PLXDC2: variants seen among roughly 807,000 people sequenced by gnomAD.
PLXDC2 encodes plexin domain containing 2, also known as plexin domain-containing protein 2.
A neutral mutation model predicts 68.9 loss-of-function variants in PLXDC2; 40 were observed. The ratio of observed to expected loss-of-function variants is 0.58; its 90% CI spans 0.45 to 0.76. The LOEUF (loss-of-function observed/expected upper bound fraction) is 0.76. Ranked by LOEUF, PLXDC2 falls within the 30% of genes least tolerant of loss-of-function variation. The pLI is 0.00. For synonymous variants in PLXDC2, 243 were observed against 234.2 expected (o/e 1.04, Z -0.34); for missense variants, 644 against 661.9 (o/e 0.97, Z 0.30).
At chr10:20,264,079 G>A (rs964070665) in intron 13 of PLXDC2, among the ~76,000 whole-genome samples, 6 of 151,790 alleles carry the variant, frequency 4.0e-5, no homozygotes, top group Non-Finnish European at 7.4e-5. Context: ...GTCCATCAAT[G>A]ACACACTGGA....
chr10:19,819,180 A>G (rs1589482356), intron 1 of PLXDC2, among the ~76,000 whole-genome samples: 1 of 152,200 alleles, frequency 6.6e-6, no homozygotes, highest in East Asian at 1.9e-4. Flanking sequence ...AATACTTAAA[A>G]TGTTCAACAT....
chr10:20,072,761 T>C (rs1312959236), intron 4 of PLXDC2, among the ~76,000 whole-genome samples: 1 of 152,192 alleles, frequency 6.6e-6, no homozygotes, highest in Non-Finnish European at 1.5e-5. Flanking sequence ...ATGGAGCCAG[T>C]GCAAAACACA....
chr10:20,173,875 G>A (rs150208875), intron 7 of PLXDC2, among the ~76,000 whole-genome samples: 16 of 152,234 alleles, frequency 1.1e-4, no homozygotes, highest in East Asian at 9.7e-4. Context: ...GGAAGTTGTC[G>A]TTAATTGGCA....
At chr10:19,973,205 C>A (rs1834383681) in intron 1 of PLXDC2, among the ~76,000 whole-genome samples, 1 of 150,024 alleles carries the variant, frequency 6.7e-6, no homozygotes, top group Non-Finnish European at 1.5e-5. Flanking sequence ...TTTTGATTAA[C>A]TTTCTTCAAG....
At chr10:20,164,844 C>T (rs1346075600) in intron 7 of PLXDC2, among the ~76,000 whole-genome samples, 1 of 152,076 alleles carries the variant, frequency 6.6e-6, no homozygotes, top group Non-Finnish European at 1.5e-5. Context: ...GATTTGGGGT[C>T]TTACTCTGTC....
chr10:20,152,504 G>A (rs1564334455), intron 6 of PLXDC2, among the ~76,000 whole-genome samples: 1 of 152,036 alleles, frequency 6.6e-6, no homozygotes, highest in East Asian at 1.9e-4. Context: ...TTCAAAGATA[G>A]AGTTTGCTTA....
intron 9 of PLXDC2, among the ~76,000 whole-genome samples, chr10:20,177,870 TA>T (rs1360561653): frequency 2.0e-5 from 3 of 149,432 alleles, no homozygotes; most frequent in African/African-American, 7.6e-5. Flanking sequence ...ACAAAACTCG[TA>T]AGTGGGTATT....
intron 1 of PLXDC2, among the ~76,000 whole-genome samples, chr10:19,982,515 T>C (rs1171085432): frequency 2.0e-5 from 3 of 152,220 alleles, no homozygotes; most frequent in Non-Finnish European, 4.4e-5. Context: ...TTTGTTTTCT[T>C]CAATTCAATG....
chr10:20,046,876 C>A lies in PLXDC2; in HGVS notation c.332C>A (p.Thr111Lys). ...TATTATCTATTATTGCAGGAGGATA[C>A]AGACCACAATTACTATATATCTCGA... ...QDNNTQIEED[T>K]DHNYYISRIY... is the part of the protein sequence containing the mutation. The change falls in exon 3 of 14, where the codon ACA becomes AAA. Residue 111 changes from threonine (T) to lysine (K), a missense_variant. Thr to Lys is a moderately conservative substitution (Grantham distance 78, BLOSUM62 -1). This residue lies in a region of PLXDC2 where 201 missense variants were observed against 166.9 expected (regional missense o/e 1.20). Transcript: ENST00000377252. 6.2e-7 allele frequency: 1 copy of A among 1,607,756 alleles called. No individual in the cohort carries two copies. The highest frequency in any genetic ancestry group is 8.5e-7 in the Non-Finnish European group (1 of 1,177,416).
intron 1 of PLXDC2, among the ~76,000 whole-genome samples, chr10:19,911,327 A>G (rs760561435): frequency 1.3e-5 from 2 of 152,160 alleles, no homozygotes; most frequent in Admixed American, 6.5e-5. Flanking sequence ...CCTTCTAGGT[A>G]TATTTTACCT....
At chr10:19,978,324 A>G (rs1345944883) in intron 1 of PLXDC2, among the ~76,000 whole-genome samples, 2 of 152,116 alleles carry the variant, frequency 1.3e-5, no homozygotes, top group Non-Finnish European at 2.9e-5. Flanking sequence ...TATTATCTCT[A>G]TAGACTAAAT....
chr10:19,935,205 C>T (rs1282576741), intron 1 of PLXDC2, among the ~76,000 whole-genome samples: 1 of 152,174 alleles, frequency 6.6e-6, no homozygotes, highest in Non-Finnish European at 1.5e-5. Flanking sequence ...ACCTAATGCT[C>T]TTTGATAAGA....
At chr10:20,197,652 G>A (rs1246066349) in intron 9 of PLXDC2, among the ~76,000 whole-genome samples, 3 of 151,746 alleles carry the variant, frequency 2.0e-5, no homozygotes, top group Non-Finnish European at 2.9e-5. Context: ...CTCCGCACCC[G>A]GCCTTTATTT....
At chr10:19,982,831 C>A (rs927939790) in intron 1 of PLXDC2, among the ~76,000 whole-genome samples, 1 of 151,982 alleles carries the variant, frequency 6.6e-6, no homozygotes, top group Non-Finnish European at 1.5e-5. Flanking sequence ...GGTGGTCATT[C>A]GTATTACTGA....
chr10:20,163,334 C>A (rs1048795465), intron 6 of PLXDC2, among the ~76,000 whole-genome samples: 5 of 152,128 alleles, frequency 3.3e-5, no homozygotes, highest in African/African-American at 1.2e-4. Context: ...TCCATTTTAA[C>A]AAAATAGCCC....
intron 1 of PLXDC2, among the ~76,000 whole-genome samples, chr10:19,961,902 G>A (rs921981515): frequency 6.6e-6 from 1 of 152,158 alleles, no homozygotes; most frequent in African/African-American, 2.4e-5. Flanking sequence ...TTACAAATCT[G>A]AAGGATCCAT....
chr10:19,827,689 T>C (rs1441901836), intron 1 of PLXDC2, among the ~76,000 whole-genome samples: 1 of 151,918 alleles, frequency 6.6e-6, no homozygotes. Flanking sequence ...GTCTCCCAAA[T>C]AGCTGCAACT....
At chr10:19,973,420 C>G (rs1288437265) in intron 1 of PLXDC2, among the ~76,000 whole-genome samples, 2 of 142,218 alleles carry the variant, frequency 1.4e-5, no homozygotes, top group East Asian at 4.1e-4. Flanking sequence ...TTGCAATGCA[C>G]TAATTACTTT....
chr10:19,927,218 C>T (rs548690448), intron 1 of PLXDC2, among the ~76,000 whole-genome samples: 2 of 152,252 alleles, frequency 1.3e-5, no homozygotes, highest in Admixed American at 1.3e-4. Context: ...GAAAGTAACA[C>T]ACAAGACACT....
Sources: gnomAD v4.1 joint callset for allele counts (sites outside exome capture counted in the v4.1 genomes callset) on GRCh38, gnomAD v4.1.1 for gene constraint, gnomAD v4.1.1 regional missense constraint, MANE v1.5 for transcripts, NCBI Gene and HGNC (gene_info 2026-07-23, HGNC 2026-07-21) for gene names.